UST: variants seen among roughly 807,000 people sequenced by gnomAD.
The protein encoded by UST is uronyl 2-sulfotransferase.
A neutral mutation model predicts 45.6 loss-of-function variants in UST; 21 were observed. That is an observed-to-expected ratio of 0.46 (90% CI 0.33 to 0.66). The LOEUF (loss-of-function observed/expected upper bound fraction) is 0.66, where lower values mean the gene tolerates loss of function less well. Ranked by LOEUF, UST falls within the 30% of genes least tolerant of loss-of-function variation. The pLI is 0.02. For missense variants in UST, 463 were observed against 512.4 expected, an observed-to-expected ratio of 0.90 and a Z score of 0.93; for synonymous variants, 215 against 200.6, an observed-to-expected ratio of 1.07 and a Z score of -0.61.
At chr6:148,880,620 C>T (rs1778805706) in intron 1 of UST, among the ~76,000 whole-genome samples, 1 of 152,202 alleles carries the variant, frequency 6.6e-6, no homozygotes, top group Non-Finnish European at 1.5e-5. Flanking sequence ...ACATTTACAA[C>T]CTCCCTGGGA....
intron 7 of UST, among the ~76,000 whole-genome samples, chr6:149,025,600 T>TCA (rs1776038666): frequency 1.3e-5 from 2 of 152,222 alleles, no homozygotes; most frequent in South Asian, 4.1e-4. Context: ...AGAAGCAACC[T>TCA]CACTGGTTGA....
rs1776812660 is a variant in UST at position 148,790,045 on chromosome 6, C to T, written c.247+42368C>T. ...TGCCTATCCTTTTTGTCTGGGAAGG[C>T]TGATTTCTTTAGCTCTTTTCTTTCT... is the stretch of plus-strand genomic sequence containing the variant. On this transcript the variant is annotated intron_variant, in intron 1 of 7. Coordinates refer to ENST00000367463, the MANE Select transcript of UST (RefSeq NM_005715.3). The surrounding 1 kb of genome is among the most constrained non-coding windows in gnomAD (Gnocchi z 4.2). Among the ~76,000 whole-genome samples the T allele has an allele frequency of 7.4e-6, 1 of 134,656 alleles. No individual in the cohort carries two copies. Among genetic ancestry groups the T allele is most frequent in the African/African-American group, 2.8e-5 (1 of 36,038 alleles). The allele number at this position is 134,656 out of a possible 152,430, so 88.3% of individuals were successfully genotyped here. A position where few individuals can be genotyped will look rare whatever the true frequency, so the allele number is the denominator to read the frequency against.
At chr6:149,003,744 C>T (rs1036460898) in intron 5 of UST, among the ~76,000 whole-genome samples, 1 of 152,228 alleles carries the variant, frequency 6.6e-6, no homozygotes, top group East Asian at 1.9e-4. Context: ...TATTTGGCAG[C>T]TCTTCCTGCC....
intron 1 of UST, among the ~76,000 whole-genome samples, chr6:148,799,084 G>A (rs981193432): frequency 1.3e-5 from 2 of 152,086 alleles, no homozygotes; most frequent in African/African-American, 2.4e-5. Context: ...CAGCCAGGCT[G>A]GTCTCGAACT....
intron 1 of UST, among the ~76,000 whole-genome samples, chr6:148,799,557 C>T (rs1297056206): frequency 6.6e-6 from 1 of 152,176 alleles, no homozygotes; most frequent in Non-Finnish European, 1.5e-5. Flanking sequence ...GCATCCCTCC[C>T]TACTTAAACC....
chr6:148,972,604 G>C (rs982762924), intron 5 of UST, among the ~76,000 whole-genome samples: 5 of 152,262 alleles, frequency 3.3e-5, no homozygotes, highest in Non-Finnish European at 2.9e-5. Flanking sequence ...GCACCGCAAG[G>C]GCCGCCAGAG....
chr6:148,789,264 T>G (rs1356276268), intron 1 of UST, among the ~76,000 whole-genome samples: 1 of 152,168 alleles, frequency 6.6e-6, no homozygotes, highest in Non-Finnish European at 1.5e-5. Context: ...TCCTCCTCAA[T>G]GTGTGTTCTG....
At chr6:148,856,975 C>G (rs1433464279) in intron 1 of UST, among the ~76,000 whole-genome samples, 1 of 148,624 alleles carries the variant, frequency 6.7e-6, no homozygotes, top group South Asian at 2.1e-4. Flanking sequence ...TAATAAATTA[C>G]ATATATTATT....
chr6:148,856,079 C>T (rs918004919), intron 1 of UST, among the ~76,000 whole-genome samples: 2 of 152,126 alleles, frequency 1.3e-5, no homozygotes, highest in Non-Finnish European at 2.9e-5. Context: ...TGCAGTAACG[C>T]GATCTTGGCT....
intron 5 of UST, among the ~76,000 whole-genome samples, chr6:148,999,819 G>A (rs778688638): frequency 2.6e-5 from 4 of 152,136 alleles, no homozygotes; most frequent in Non-Finnish European, 4.4e-5. Context: ...CCTTCCTGTA[G>A]CAAAGAAGCA....
chr6:149,067,285 A>G (rs1776745834), intron 7 of UST, among the ~76,000 whole-genome samples: 1 of 152,106 alleles, frequency 6.6e-6, no homozygotes, highest in African/African-American at 2.4e-5. Context: ...ACTGAAGGCA[A>G]TTTTGTTCCT....
At chr6:149,067,848 A>G (rs1776764719) in intron 7 of UST, among the ~76,000 whole-genome samples, 1 of 152,186 alleles carries the variant, frequency 6.6e-6, no homozygotes, top group Non-Finnish European at 1.5e-5. Context: ...CGAACATGGT[A>G]AATACTAGGT....
intron 1 of UST, among the ~76,000 whole-genome samples, chr6:148,798,837 G>A (rs528509346): frequency 3.1e-4 from 46 of 149,830 alleles, no homozygotes; most frequent in African/African-American, 9.4e-4. Flanking sequence ...GAAAAGCAAT[G>A]CAGGAGGAGA....
chr6:148,879,860 A>G (rs139587315), intron 1 of UST, among the ~76,000 whole-genome samples: 33 of 152,130 alleles, frequency 2.2e-4, no homozygotes, highest in South Asian at 4.2e-4. Context: ...GAGTGAAATC[A>G]TGTTTCATGG....
chr6:149,013,243 A>G (rs1198387759), intron 5 of UST, among the ~76,000 whole-genome samples: 1 of 152,234 alleles, frequency 6.6e-6, no homozygotes, highest in Non-Finnish European at 1.5e-5. Context: ...TTGAGATTAT[A>G]AAACTATTCT....
At chr6:148,795,645 G>A (rs1776934954) in intron 1 of UST, among the ~76,000 whole-genome samples, 1 of 152,046 alleles carries the variant, frequency 6.6e-6, no homozygotes, top group South Asian at 2.1e-4. Flanking sequence ...TTCTTCCATT[G>A]GGGTTGTGGG....
chr6:148,768,990 AGACATGGCC>A (rs1360168554), intron 1 of UST, among the ~76,000 whole-genome samples: 1 of 152,246 alleles, frequency 6.6e-6, no homozygotes, highest in African/African-American at 2.4e-5. Flanking sequence ...CAGGCCAGGC[AGACATGGCC>A]ACTGTCCTCC....
intron 1 of UST, among the ~76,000 whole-genome samples, chr6:148,880,873 C>CT (rs1778811208): frequency 6.6e-6 from 1 of 151,824 alleles, no homozygotes; most frequent in Admixed American, 6.6e-5. Flanking sequence ...ACTAAAAATA[C>CT]AAAAAGTTAG....
chr6:148,960,907 C>T (rs553907917), intron 4 of UST, among the ~76,000 whole-genome samples: 3 of 152,178 alleles, frequency 2.0e-5, no homozygotes, highest in African/African-American at 4.8e-5. Flanking sequence ...TGAAAATATA[C>T]CTAAGATTTT....
Sources: gnomAD v4.1 joint callset for allele counts (sites outside exome capture counted in the v4.1 genomes callset) on GRCh38, gnomAD v4.1.1 for gene constraint, Gnocchi (gnomAD v3.1) non-coding constraint, MANE v1.5 for transcripts, NCBI Gene and HGNC (gene_info 2026-07-23, HGNC 2026-07-21) for gene names.